The following DNAJB2 variants were observed in gnomAD, a reference collection of about 807,000 sequenced individuals.
DNAJB2 encodes the protein DnaJ heat shock protein family (Hsp40) member B2, also known as dnaJ homolog subfamily B member 2.
Under a neutral mutation model 33.3 loss-of-function variants are expected in DNAJB2, and 19 were observed. The ratio of observed to expected loss-of-function variants is 0.57; its 90% CI spans 0.40 to 0.84. The LOEUF (loss-of-function observed/expected upper bound fraction) is 0.84. Ranked by LOEUF, DNAJB2 falls within the 40% of genes least tolerant of loss-of-function variation. DNAJB2 has a pLI of 0.00. For synonymous variants in DNAJB2, 172 were observed against 164.6 expected (o/e 1.04, Z -0.34); for missense variants, 368 against 430.9 (o/e 0.85, Z 1.29).
chr2:219,281,823 G>A, intron 4 of DNAJB2, 52 bp downstream of exon 4: 1 of 1,613,462 alleles, frequency 6.2e-7, no homozygotes, highest in Non-Finnish European at 8.5e-7. Context: ...GAGGAGAGGG[G>A]CAGGGCAGAT....
chr2:219,280,572 C>T lies in DNAJB2; in HGVS notation c.66-6C>T. 4.3e-6 allele frequency: 7 copies of T among 1,611,932 alleles called. No homozygotes were observed. Among genetic ancestry groups the T allele is most frequent in the Non-Finnish European group, 5.9e-6 (7 of 1,178,148 alleles). ...CGACTCTCTCCTCTGCACCCACTTTCTGCAGGTATCGGCGCAAGGCTCTCC... is the reference window on the plus strand; with the variant it reads ...CGACTCTCTCCTCTGCACCCACTTTTTGCAGGTATCGGCGCAAGGCTCTCC... On this transcript the variant is annotated splice_polypyrimidine_tract_variant and splice_region_variant and intron_variant, in intron 2 of 8. Coordinates refer to ENST00000336576, the MANE Select transcript of DNAJB2 (RefSeq NM_006736.6).
In DNAJB2 at chr2:219,285,783, C is replaced by T; in HGVS notation, c.*796C>T. On this transcript the variant is annotated 3_prime_UTR_variant, in exon 9 of 9. Coordinates refer to ENST00000336576, the MANE Select transcript of DNAJB2 (RefSeq NM_006736.6). ...CCCTCAGGACTAGGCAGAGGTGAGG[C>T]TGGCTCACCCTGAAGAGGTGGGATA... 1.5e-6 allele frequency: 2 copies of T among 1,366,922 alleles called. No homozygotes were observed. The highest frequency in any genetic ancestry group is 3.6e-5 in the South Asian group (2 of 55,766). 84.7% of individuals were successfully genotyped at this position (1,366,922 alleles called of 1,614,324 possible). A position where few individuals can be genotyped will look rare whatever the true frequency, so the allele number is the denominator to read the frequency against.
Position 219,281,752 on chromosome 2 carries a change from G to C in DNAJB2, c.210G>C (p.Arg70=). 1 of 1,614,074 alleles carries C rather than the reference G, an allele frequency of 6.2e-7. No homozygotes were observed. The highest frequency in any genetic ancestry group is 8.5e-7 in the Non-Finnish European group (1 of 1,180,040). The part of the protein sequence containing the change: ...HKREIYDRYG[R]EGLTGTGTGP... ...GGGAGATTTACGACCGCTATGGCCG[G>C]GAAGGGCTGACAGGGACAGGTAGGT... The change falls in exon 4 of 9, where the codon CGG becomes CGC. Residue 70 remains arginine (R), a synonymous_variant. Transcript: ENST00000336576.
chr2:219,281,149 C>T (rs573572071), intron 3 of DNAJB2: 2 of 188,876 alleles, frequency 1.1e-5, no homozygotes, highest in East Asian at 1.4e-4. Context: ...GTCCGGCACT[C>T]GCTGGGTGCT....
chr2:219,282,210 G>C, intron 5 of DNAJB2, 149 bp downstream of exon 5: 1 of 1,282,258 alleles, frequency 7.8e-7, no homozygotes, highest in Non-Finnish European at 1.1e-6. Context: ...AGTGAGAGCC[G>C]GGACAGAACC....
At position 219,282,855 on chromosome 2, in the gene DNAJB2, C is replaced by T. The variant is rs749178623; in HGVS notation, c.371C>T (p.Ser124Leu). The change falls in exon 6 of 9, where the codon TCA (serine) becomes TTA (leucine). Residue 124 changes from serine (S) to leucine (L), a missense_variant. Physicochemically the swap from Ser to Leu is moderately radical, Grantham distance 145 (BLOSUM62 -2). Coordinates refer to ENST00000336576, the MANE Select transcript of DNAJB2 (RefSeq NM_006736.6). ...AELFDDLGPF[S>L]ELQNRGSRHS... is the part of the protein sequence containing the mutation. ...GTTGCAGATGACCTGGGCCCCTTCT[C>T]AGAGCTTCAGAACCGGGGTTCCCGA... 16 of 1,596,808 alleles carry T rather than the reference C, an allele frequency of 1.0e-5. No individual in the cohort carries two copies. In the South Asian group the frequency reaches 1.7e-4, roughly 17 times the overall value.
chr2:219,285,979 C>T lies in DNAJB2; in HGVS notation c.*992C>T. 3 of 1,612,556 alleles carry T rather than the reference C, an allele frequency of 1.9e-6. No homozygotes were observed. Among genetic ancestry groups the T allele is most frequent in the Non-Finnish European group, 2.5e-6 (3 of 1,179,694 alleles). On this transcript the variant is annotated 3_prime_UTR_variant, in exon 9 of 9. Coordinates refer to ENST00000336576, the MANE Select transcript of DNAJB2 (RefSeq NM_006736.6). ...TCTCCTGTCACCCCGCCCCTGCTCT[C>T]TCCCCAGATGTGTTCTGAGCTGGAT...
At chr2:219,282,428 G>A (rs1334077012) in intron 5 of DNAJB2, 17 of 351,396 alleles carry the variant, frequency 4.8e-5, no homozygotes, top group Non-Finnish European at 5.2e-5. Flanking sequence ...TTTACATTTC[G>A]TAAGTCTCTA....
chr2:219,284,062 A>G (rs1951930921), intron 8 of DNAJB2, among the ~76,000 whole-genome samples: 1 of 152,180 alleles, frequency 6.6e-6, no homozygotes, highest in South Asian at 2.1e-4. Context: ...TCATTGGAAC[A>G]ATTTGAGTAT....
rs757100106 is a variant in DNAJB2, at chr2:219,279,934, C to T, written c.65+36C>T. 2 of 1,609,852 alleles carry T rather than the reference C, an allele frequency of 1.2e-6. No homozygotes were observed. The highest frequency in any genetic ancestry group is 1.7e-6 in the Non-Finnish European group (2 of 1,177,482). On this transcript the variant is annotated intron_variant, in intron 2 of 8. Coordinates refer to ENST00000336576, the MANE Select transcript of DNAJB2 (RefSeq NM_006736.6). This position sits in a 1 kb window ranked among gnomAD's most constrained non-coding sequence, Gnocchi z 4.9. Reference sequence around the variant, plus strand: ...CCGTATGCAACAGAAGACCTCTCACCCTCCACCCGCCACCACCATGGGGCA... The same window carrying T: ...CCGTATGCAACAGAAGACCTCTCACTCTCCACCCGCCACCACCATGGGGCA...
At position 219,286,857 on chromosome 2, in the gene DNAJB2, G is replaced by A. The variant is rs1218751867; in HGVS notation, c.*1870G>A. 1.3e-5 allele frequency: 2 copies of A among 152,302 alleles called. No individual in the cohort carries two copies. Among genetic ancestry groups the A allele is most frequent in the African/African-American group, 2.4e-5 (1 of 41,468 alleles). 9.4% of individuals were successfully genotyped at this position (152,302 alleles called of 1,614,324 possible). On this transcript the variant is annotated 3_prime_UTR_variant, in exon 9 of 9. Coordinates refer to ENST00000336576, the MANE Select transcript of DNAJB2 (RefSeq NM_006736.6). ...ACCAGCTGGGCTGAGCTCAGATCCAGGGGGAAATGCTGGAAGTCAATAAAA... is the reference window on the plus strand; with the variant it reads ...ACCAGCTGGGCTGAGCTCAGATCCAAGGGGAAATGCTGGAAGTCAATAAAA...
At position 219,281,645 on chromosome 2, in the gene DNAJB2, C is replaced by G. The variant is rs953531733; in HGVS notation, c.176-73C>G. 3.1e-6 allele frequency: 5 copies of G among 1,599,776 alleles called. No homozygotes were observed. The African/African-American group carries it at 6.7e-5, about 21-fold the overall frequency. Reference sequence around the variant, plus strand: ...GTCAGAGTGTCAGTCTCTGGACAATCCTTTGAACGTCCTAGCCTGGGAGGG... The same window carrying G: ...GTCAGAGTGTCAGTCTCTGGACAATGCTTTGAACGTCCTAGCCTGGGAGGG... On this transcript the variant is annotated intron_variant, in intron 3 of 8. Coordinates refer to ENST00000336576, the MANE Select transcript of DNAJB2 (RefSeq NM_006736.6).
chr2:219,282,734 C>A, intron 5 of DNAJB2, 103 bp from the exon 6 acceptor site: 3 of 1,133,042 alleles, frequency 2.6e-6, no homozygotes, highest in Non-Finnish European at 3.6e-6. Context: ...AAAGAAAAAC[C>A]CTACCCAGTT....
chr2:219,279,468 CG>C lies in DNAJB2; in HGVS notation c.-81del, dbSNP rs955534136. On this transcript the variant is annotated 5_prime_UTR_variant, in exon 1 of 9. An upstream open reading frame in the 5' UTR loses its in-frame stop. Coordinates refer to ENST00000336576, the MANE Select transcript of DNAJB2 (RefSeq NM_006736.6). The surrounding 1 kb of genome is among the most constrained non-coding windows in gnomAD (Gnocchi z 4.9). ...GCTGCGGGTGCCAGACGGTTCCCGG[CG>C]GGGGGCAGGGGCGGGGCGCCGCAGG... 15 of 206,416 alleles carry C rather than the reference CG, an allele frequency of 7.3e-5. No homozygotes were observed. In the South Asian group the frequency reaches 1.0e-3, roughly 14 times the overall value. The allele number at this position is 206,416 out of a possible 1,614,324, so 12.8% of individuals were successfully genotyped here.
chr2:219,282,096 C>T (rs1187489562), intron 5 of DNAJB2, 35 bp downstream of exon 5: 26 of 1,613,988 alleles, frequency 1.6e-5, no homozygotes, highest in Non-Finnish European at 2.2e-5. Context: ...AATGGCTCAA[C>T]TTCCCCCTCC....
At chr2:219,283,269 G>A (rs889391320) in intron 7 of DNAJB2, 34 bp downstream of exon 7, 5 of 1,613,168 alleles carry the variant, frequency 3.1e-6, no homozygotes, top group Admixed American at 3.3e-5. Context: ...AGAGGGGTGA[G>A]AGGTCTGCTG....
intron 2 of DNAJB2, chr2:219,280,165 C>CCTCCTCCTT: frequency 1.8e-6 from 1 of 546,832 alleles, no homozygotes; most frequent in Non-Finnish European, 3.3e-6. Flanking sequence ...TCCTCCTCCT[C>CCTCCTCCTT]CTCCTCCTTT....
At position 219,279,812 on chromosome 2, in the gene DNAJB2, G is replaced by T. The variant is rs1436368498; in HGVS notation, c.-22G>T. 3 of 1,613,366 alleles carry T rather than the reference G, an allele frequency of 1.9e-6. No individual in the cohort carries two copies. The highest frequency in any genetic ancestry group is 2.5e-6 in the Non-Finnish European group (3 of 1,179,800). ...CTCTTCTGCAGCCCCAAGGAGGCCC[G>T]CCTGACGACTGACCAGTTGCCATGG... On this transcript the variant is annotated 5_prime_UTR_variant, in exon 2 of 9. Coordinates refer to ENST00000336576, the MANE Select transcript of DNAJB2 (RefSeq NM_006736.6). This position sits in a 1 kb window ranked among gnomAD's most constrained non-coding sequence, Gnocchi z 4.9.
intron 8 of DNAJB2, 68 bp from the exon 9 acceptor site, chr2:219,284,564 T>C: frequency 6.6e-7 from 1 of 1,519,876 alleles, no homozygotes. Context: ...GTTGTTACTG[T>C]GTGAGGCAGC....
Sources: allele counts gnomAD v4.1 joint callset (sites outside exome capture counted in the v4.1 genomes callset), GRCh38; gene constraint gnomAD v4.1.1; non-coding constraint Gnocchi (gnomAD v3.1); transcripts MANE v1.5; gene names NCBI Gene and HGNC (gene_info 2026-07-23, HGNC 2026-07-21).